LRRC1: variants seen among roughly 807,000 people sequenced by gnomAD.
The protein encoded by LRRC1 is leucine rich repeat containing 1.
LRRC1 carries 28 observed loss-of-function variants against 69.9 expected under a neutral mutation model. The ratio of observed to expected loss-of-function variants is 0.40; its 90% CI spans 0.30 to 0.55. The LOEUF (loss-of-function observed/expected upper bound fraction) is 0.55, where lower values mean the gene tolerates loss of function less well. LRRC1 is among the 20% of genes least tolerant of loss of function. The probability of loss-of-function intolerance (pLI) is 0.47; values close to 1 mark genes in which losing one functional copy is unlikely to be tolerated. For synonymous variants in LRRC1, 236 were observed against 240.2 expected (o/e 0.98, Z 0.16); for missense variants, 498 against 609.0 (o/e 0.82, Z 1.92).
In LRRC1 at chr6:53,795,236, T is replaced by C. The variant is rs773241657; in HGVS notation, c.-21T>C. The C allele has an allele frequency of 8.8e-6, 14 of 1,587,380 alleles. No homozygotes were observed. In the South Asian group the frequency reaches 1.4e-4, roughly 15 times the overall value. On this transcript the variant is annotated 5_prime_UTR_variant, in exon 1 of 14. Transcript: ENST00000370888. Reference sequence around the variant, plus strand: ...GGGTCTCCGCCGCTCGGGACCCGGCTAGGCGGCGGCGGGGGCGGCGATGTT... The same window carrying C: ...GGGTCTCCGCCGCTCGGGACCCGGCCAGGCGGCGGCGGGGGCGGCGATGTT...
intron 6 of LRRC1, 78 bp downstream of exon 6, chr6:53,896,970 A>G: frequency 1.1e-6 from 1 of 899,146 alleles, no homozygotes. Context: ...TTCTATAGGG[A>G]TCTTTATGAA....
intron 2 of LRRC1, among the ~76,000 whole-genome samples, chr6:53,875,792 T>C (rs1239811943): frequency 3.3e-5 from 5 of 152,230 alleles, no homozygotes; most frequent in Non-Finnish European, 5.9e-5. Flanking sequence ...ATTGTACATA[T>C]GTATGGGTAC....
intron 2 of LRRC1, among the ~76,000 whole-genome samples, chr6:53,851,463 A>T (rs1468054707): frequency 7.5e-6 from 1 of 133,244 alleles, no homozygotes; most frequent in African/African-American, 2.7e-5. Context: ...TGAAGCAAAA[A>T]GGGGCAAATT....
At chr6:53,807,843 T>C (rs116618477) in intron 1 of LRRC1, among the ~76,000 whole-genome samples, 2,441 of 152,274 alleles carry the variant, frequency 0.016, 65 homozygotes, top group African/African-American at 0.054. Context: ...ATTTAAGGCC[T>C]CTCTAAGGAA....
At chr6:53,913,087 T>A (rs1768462604) in intron 10 of LRRC1, among the ~76,000 whole-genome samples, 1 of 152,208 alleles carries the variant, frequency 6.6e-6, no homozygotes, top group Non-Finnish European at 1.5e-5. Context: ...CATACAAAAC[T>A]CAGTTACCTT....
intron 11 of LRRC1, among the ~76,000 whole-genome samples, chr6:53,915,208 T>C (rs1768525619): frequency 6.6e-6 from 1 of 152,182 alleles, no homozygotes; most frequent in South Asian, 2.1e-4. Flanking sequence ...CTCCTGAGTG[T>C]TGATTAGCTG....
intron 2 of LRRC1, among the ~76,000 whole-genome samples, chr6:53,852,494 A>T (rs1766170780): frequency 6.6e-6 from 1 of 152,168 alleles, no homozygotes; most frequent in Admixed American, 6.5e-5. Flanking sequence ...TGTGTCATTT[A>T]ATCCACACAC....
chr6:53,795,262 C>T lies in LRRC1; in HGVS notation c.6C>T (p.Phe2=). 1 of 1,607,704 alleles carries T rather than the reference C, an allele frequency of 6.2e-7. No homozygotes were observed. The highest frequency in any genetic ancestry group is 8.5e-7 in the Non-Finnish European group (1 of 1,178,478). ...AGGCGGCGGCGGGGGCGGCGATGTT[C>T]CACTGCATCCCCCTGTGGCGGTGCA... is the stretch of plus-strand genomic sequence containing the variant. M[F]HCIPLWRCNR... is the part of the protein sequence containing the mutation. The change falls in exon 1 of 14, where the codon TTC becomes TTT. Residue 2 remains phenylalanine (F), a synonymous_variant. Transcript: ENST00000370888.
intron 2 of LRRC1, among the ~76,000 whole-genome samples, chr6:53,858,718 A>G (rs1424462001): frequency 6.6e-6 from 1 of 152,166 alleles, no homozygotes; most frequent in East Asian, 1.9e-4. Flanking sequence ...AGGAATGCTT[A>G]TTATATGGAT....
intron 1 of LRRC1, among the ~76,000 whole-genome samples, chr6:53,802,411 G>A (rs75666656): frequency 0.01 from 1,577 of 152,228 alleles, 33 homozygotes; most frequent in East Asian, 0.09. Context: ...CTACTATGCC[G>A]CCTTGTGTTG....
In LRRC1 at chr6:53,795,288, A is replaced by C; in HGVS notation, c.32A>C (p.Asn11Thr). 1 of 1,612,432 alleles carries C rather than the reference A, an allele frequency of 6.2e-7. No individual in the cohort carries two copies. Among genetic ancestry groups the C allele is most frequent in the Non-Finnish European group, 8.5e-7 (1 of 1,179,778 alleles). Residue 11 changes from asparagine to threonine, a missense_variant, in exon 1 of 14, where the codon AAC becomes ACC. Asn to Thr is a moderately conservative substitution (Grantham distance 65, BLOSUM62 0). Coordinates refer to ENST00000370888, the MANE Select transcript of LRRC1 (RefSeq NM_018214.5). The stretch of plus-strand genomic sequence containing the variant: ...CACTGCATCCCCCTGTGGCGGTGCA[A>C]CCGTCATGTGGAGAGCATCGACAAG... Reference protein sequence around the residue: MFHCIPLWRCNRHVESIDKRH... With the variant: MFHCIPLWRCTRHVESIDKRH...
At chr6:53,817,411 T>C (rs1328163589) in intron 1 of LRRC1, among the ~76,000 whole-genome samples, 2 of 152,224 alleles carry the variant, frequency 1.3e-5, no homozygotes, top group Middle Eastern at 3.2e-3. Flanking sequence ...AATTAACATG[T>C]CACCTCAAAT....
intron 10 of LRRC1, among the ~76,000 whole-genome samples, chr6:53,911,234 T>C (rs902409391): frequency 3.9e-5 from 6 of 152,236 alleles, no homozygotes; most frequent in Admixed American, 2.0e-4. Context: ...ACACACTTCA[T>C]TGAAGTTTAC....
chr6:53,818,241 C>T (rs1054792979), intron 1 of LRRC1, among the ~76,000 whole-genome samples: 7 of 152,128 alleles, frequency 4.6e-5, no homozygotes, highest in Non-Finnish European at 1.0e-4. Context: ...GTGAATGATA[C>T]GGCTTTTTTG....
intron 6 of LRRC1, 37 bp downstream of exon 6, chr6:53,896,929 T>C (rs1581907688): frequency 2.2e-6 from 3 of 1,346,572 alleles, no homozygotes; most frequent in Non-Finnish European, 3.2e-6. Context: ...TAACTTTGTT[T>C]TTAGTTATGA....
intron 2 of LRRC1, among the ~76,000 whole-genome samples, chr6:53,861,076 G>A (rs929347052): frequency 6.6e-6 from 1 of 152,000 alleles, no homozygotes; most frequent in Non-Finnish European, 1.5e-5. Flanking sequence ...ACTGCCTATT[G>A]GGTATTATTA....
intron 1 of LRRC1, among the ~76,000 whole-genome samples, chr6:53,841,062 G>A (rs1765772739): frequency 6.6e-6 from 1 of 152,172 alleles, no homozygotes; most frequent in Admixed American, 6.5e-5. Flanking sequence ...GCAAGTCTGT[G>A]CTCATGCCCA....
Position 53,842,122 on chromosome 6 carries a change from C to G in LRRC1, c.172C>G (p.Leu58Val). The G allele has an allele frequency of 6.2e-7, 1 of 1,610,720 alleles. No individual in the cohort carries two copies. Among genetic ancestry groups the G allele is most frequent in the Non-Finnish European group, 8.5e-7 (1 of 1,177,588 alleles). Residue 58 changes from leucine (L) to valine (V), a missense_variant, in exon 2 of 14, where the codon CTA (leucine) becomes GTA (valine). Coordinates refer to ENST00000370888, the MANE Select transcript of LRRC1 (RefSeq NM_018214.5). ...TTTTGTCTTTCAGCAATTTTTCCAGCTAGTCAAATTACGAAAGCTTGGACT... is the reference window on the plus strand; with the variant it reads ...TTTTGTCTTTCAGCAATTTTTCCAGGTAGTCAAATTACGAAAGCTTGGACT... ...LRELPEQFFQLVKLRKLGLSD... is the reference protein window; with the variant it reads ...LRELPEQFFQVVKLRKLGLSD...
intron 1 of LRRC1, among the ~76,000 whole-genome samples, chr6:53,798,836 C>T (rs1183416522): frequency 6.6e-6 from 1 of 152,240 alleles, no homozygotes; most frequent in Non-Finnish European, 1.5e-5. Flanking sequence ...GCTCCAGCAT[C>T]TATCCTTTTC....
Sources: allele counts gnomAD v4.1 joint callset (sites outside exome capture counted in the v4.1 genomes callset), GRCh38; gene constraint gnomAD v4.1.1; transcripts MANE v1.5; gene names NCBI Gene and HGNC (gene_info 2026-07-23, HGNC 2026-07-21).